The following CTNNA1 variants were observed in gnomAD, a reference collection of about 807,000 sequenced individuals.
CTNNA1 encodes the protein catenin alpha-1.
Under a neutral mutation model 98.4 loss-of-function variants are expected in CTNNA1, and 37 were observed. The ratio of observed to expected loss-of-function variants is 0.38; its 90% CI spans 0.29 to 0.49. The LOEUF is 0.49. CTNNA1 is among the 20% of genes least tolerant of loss of function. The pLI is 0.95. For synonymous variants in CTNNA1, 404 were observed against 413.2 expected, an observed-to-expected ratio of 0.98 and a Z score of 0.27; for missense variants, 761 against 1,147.2, an observed-to-expected ratio of 0.66 and a Z score of 4.86.
At chr5:138,932,992 G>T in intron 17 of CTNNA1, 1 of 765,582 alleles carries the variant, frequency 1.3e-6, no homozygotes, top group Non-Finnish European at 2.4e-6. Context: ...TTGGGACCGG[G>T]CGTGGTGGCA....
At chr5:138,867,720 T>G (rs1021090516) in intron 7 of CTNNA1, among the ~76,000 whole-genome samples, 1 of 151,856 alleles carries the variant, frequency 6.6e-6, no homozygotes, top group Non-Finnish European at 1.5e-5. Context: ...ATGATAAATG[T>G]ATTTTCTCTT....
At chr5:138,827,913 T>C (rs2149786555) in intron 7 of CTNNA1, 195 bp downstream of exon 7, 1 of 618,894 alleles carries the variant, frequency 1.6e-6, no homozygotes, top group South Asian at 2.0e-5. Context: ...TATTGAGAAA[T>C]TTTCAACTTA....
At chr5:138,803,215 A>G (rs949731667) in intron 3 of CTNNA1, among the ~76,000 whole-genome samples, 1 of 150,400 alleles carries the variant, frequency 6.6e-6, no homozygotes, top group African/African-American at 2.5e-5. Flanking sequence ...GTGCAGTGGC[A>G]TGATCGTGGC....
chr5:138,924,615 G>A lies in CTNNA1; in HGVS notation c.1652G>A (p.Arg551Gln), dbSNP rs1763613886. The change falls in exon 12 of 18, where the codon CGG (arginine) becomes CAG (glutamine). Residue 551 changes from arginine (R) to glutamine (Q), a missense_variant. Transcript: ENST00000302763. ...GGTGCAATTCGAGGCCGGGCAGCCC[G>A]GGTCATTCACGTAGTCACCTCAGAG... The part of the protein sequence containing the change: ...TAGAIRGRAA[R>Q]VIHVVTSEMD... 6.2e-7 allele frequency: 1 copy of A among 1,613,796 alleles called. No individual in the cohort carries two copies. Among genetic ancestry groups the A allele is most frequent in the Non-Finnish European group, 8.5e-7 (1 of 1,179,896 alleles).
chr5:138,822,390 G>C (rs907005293), intron 5 of CTNNA1, among the ~76,000 whole-genome samples: 1 of 152,186 alleles, frequency 6.6e-6, no homozygotes, highest in Non-Finnish European at 1.5e-5. Flanking sequence ...TGAGATGACC[G>C]TAAGTGTCTT....
intron 3 of CTNNA1, among the ~76,000 whole-genome samples, chr5:138,795,178 C>T (rs930962908): frequency 7.3e-6 from 1 of 137,818 alleles, no homozygotes; most frequent in African/African-American, 2.7e-5. Flanking sequence ...AAAAAAAGAG[C>T]TGGCCAGTCA....
intron 3 of CTNNA1, among the ~76,000 whole-genome samples, chr5:138,791,876 A>G (rs1294270982): frequency 6.8e-6 from 1 of 146,038 alleles, no homozygotes; most frequent in Non-Finnish European, 1.5e-5. Flanking sequence ...TTATACTTTA[A>G]GTTCTAGGGT....
At chr5:138,836,970 C>T (rs1228409637) in intron 7 of CTNNA1, among the ~76,000 whole-genome samples, 1 of 152,050 alleles carries the variant, frequency 6.6e-6, no homozygotes, top group Non-Finnish European at 1.5e-5. Context: ...GTTAGATTTG[C>T]GTGTCTTAGA....
At chr5:138,793,980 A>G (rs1418215621) in intron 3 of CTNNA1, among the ~76,000 whole-genome samples, 3 of 150,598 alleles carry the variant, frequency 2.0e-5, no homozygotes, top group African/African-American at 7.3e-5. Flanking sequence ...GTATTTAAAT[A>G]ACTTCATATT....
At chr5:138,763,198 G>C (rs1752556769) in intron 1 of CTNNA1, among the ~76,000 whole-genome samples, 1 of 152,058 alleles carries the variant, frequency 6.6e-6, no homozygotes, top group South Asian at 2.1e-4. Context: ...AACTAGGTTA[G>C]ACTACATACA....
chr5:138,835,377 C>T (rs28363418), intron 7 of CTNNA1, among the ~76,000 whole-genome samples: 1,777 of 152,244 alleles, frequency 0.012, 29 homozygotes, highest in African/African-American at 0.041. Context: ...TTTTGTTATA[C>T]AGTTATGGTA....
At chr5:138,870,487 G>A (rs934935805) in intron 7 of CTNNA1, 1 of 152,186 alleles carries the variant, frequency 6.6e-6, no homozygotes, top group Admixed American at 6.5e-5. Flanking sequence ...TGGCTATGCT[G>A]TTCCTCTGAA....
intron 16 of CTNNA1, among the ~76,000 whole-genome samples, chr5:138,931,249 T>C (rs962108851): frequency 6.6e-6 from 1 of 152,170 alleles, no homozygotes; most frequent in African/African-American, 2.4e-5. Context: ...AAGGCTGGTG[T>C]GCCTAGATGG....
chr5:138,850,679 T>TGGATACA (rs1249292345), intron 7 of CTNNA1, among the ~76,000 whole-genome samples: 3 of 152,228 alleles, frequency 2.0e-5, no homozygotes, highest in Non-Finnish European at 4.4e-5. Context: ...TTCACTGTAG[T>TGGATACA]CTCTTTCAGT....
Position 138,753,488 on chromosome 5 carries a change from A to G in CTNNA1, c.-25A>G. Reference sequence around the variant, plus strand: ...CGTCTGCTTCGGGCCTCTGGAATTTAGCGCTCGCCCAGCTAGCCGCAGGTA... The same window carrying G: ...CGTCTGCTTCGGGCCTCTGGAATTTGGCGCTCGCCCAGCTAGCCGCAGGTA... On this transcript the variant is annotated 5_prime_UTR_variant, in exon 1 of 18. Transcript: ENST00000302763. The G allele has an allele frequency of 2.7e-6, 1 of 377,204 alleles. No homozygotes were observed. Among genetic ancestry groups the G allele is most frequent in the Non-Finnish European group, 4.7e-6 (1 of 212,362 alleles). 23.4% of individuals were successfully genotyped at this position (377,204 alleles called of 1,614,324 possible). A position where few individuals can be genotyped will look rare whatever the true frequency, so the allele number is the denominator to read the frequency against.
chr5:138,869,661 T>C (rs926246608), intron 7 of CTNNA1: 3 of 152,626 alleles, frequency 2.0e-5, no homozygotes, highest in Non-Finnish European at 2.9e-5. Flanking sequence ...TAGTGCTACA[T>C]AGGGCTCATT....
intron 7 of CTNNA1, 102 bp downstream of exon 7, chr5:138,827,820 C>T: frequency 2.2e-6 from 3 of 1,376,800 alleles, no homozygotes; most frequent in Non-Finnish European, 2.0e-6. Context: ...CCAAATATGT[C>T]CTTGACTCCT....
chr5:138,906,711 A>G (rs1244850233), intron 10 of CTNNA1, among the ~76,000 whole-genome samples: 1 of 152,160 alleles, frequency 6.6e-6, no homozygotes, highest in Non-Finnish European at 1.5e-5. Context: ...ACAGATTTCA[A>G]GAGGAATAGG....
At chr5:138,816,516 T>A (rs1759447641) in intron 5 of CTNNA1, among the ~76,000 whole-genome samples, 1 of 152,212 alleles carries the variant, frequency 6.6e-6, no homozygotes, top group Non-Finnish European at 1.5e-5. Flanking sequence ...TGTTCCCCTT[T>A]CCCTGCATTC....
Sources: allele counts gnomAD v4.1 joint callset (sites outside exome capture counted in the v4.1 genomes callset), GRCh38; gene constraint gnomAD v4.1.1; transcripts MANE v1.5; gene names NCBI Gene and HGNC (gene_info 2026-07-23, HGNC 2026-07-21).